KCNQ3: variants seen among roughly 807,000 people sequenced by gnomAD.
The protein encoded by KCNQ3 is potassium voltage-gated channel subfamily KQT member 3.
Under a neutral mutation model 92.5 loss-of-function variants are expected in KCNQ3, and 30 were observed. The ratio of observed to expected loss-of-function variants is 0.32; its 90% CI spans 0.24 to 0.44. The LOEUF is 0.44. Ranked by LOEUF, KCNQ3 falls within the 20% of genes least tolerant of loss-of-function variation. The pLI is 1.00. For synonymous variants in KCNQ3, 450 were observed against 468.8 expected, an observed-to-expected ratio of 0.96 and a Z score of 0.52; for missense variants, 913 against 1,140.3, an observed-to-expected ratio of 0.80 and a Z score of 2.87.
intron 1 of KCNQ3, among the ~76,000 whole-genome samples, chr8:132,311,092 A>G (rs1003010250): frequency 2.6e-5 from 4 of 152,078 alleles, no homozygotes; most frequent in Non-Finnish European, 5.9e-5. Context: ...AAGTGCTGCC[A>G]CACCCAGCTA....
intron 1 of KCNQ3, among the ~76,000 whole-genome samples, chr8:132,263,490 T>G (rs1020468492): frequency 2.0e-5 from 3 of 152,168 alleles, no homozygotes; most frequent in Admixed American, 6.5e-5. Context: ...TAAGGTTGCC[T>G]CCTGAGGCTG....
At chr8:132,327,895 G>A (rs1264701582) in intron 1 of KCNQ3, among the ~76,000 whole-genome samples, 3 of 152,104 alleles carry the variant, frequency 2.0e-5, no homozygotes, top group Non-Finnish European at 4.4e-5. Context: ...GACCCCACCT[G>A]TACTTGTACT....
rs79073654 is a variant in KCNQ3, at chr8:132,178,169, G to A, written c.777+1988C>T. ...TTTAGCACCAGTGTTGACCAGAACT[G>A]TGAATCAACTCAGCTCCATGGATAC... On this transcript the variant is annotated intron_variant, in intron 4 of 14. Transcript: ENST00000388996. 8.1e-3 allele frequency among the ~76,000 whole-genome samples: 1,238 copies of A among 152,324 alleles called. 16 individuals are homozygous for A. The highest frequency in any genetic ancestry group is 0.029 in the African/African-American group (1,190 of 41,566).
At chr8:132,329,106 C>T (rs957052501) in intron 1 of KCNQ3, among the ~76,000 whole-genome samples, 2 of 152,190 alleles carry the variant, frequency 1.3e-5, no homozygotes, top group Non-Finnish European at 2.9e-5. Flanking sequence ...TGGAATTTCT[C>T]ATGGAGGAAG....
chr8:132,270,237 G>A (rs560811944), intron 1 of KCNQ3, among the ~76,000 whole-genome samples: 4 of 152,248 alleles, frequency 2.6e-5, no homozygotes, highest in East Asian at 3.9e-4. Context: ...CGTTGACGTC[G>A]CCAGATTGAA....
At chr8:132,258,561 A>G (rs1213067241) in intron 1 of KCNQ3, among the ~76,000 whole-genome samples, 1 of 152,102 alleles carries the variant, frequency 6.6e-6, no homozygotes, top group African/African-American at 2.4e-5. Flanking sequence ...ACAAAGAAGT[A>G]TCTCAAATAA....
In KCNQ3 at chr8:132,480,439, C is replaced by G. The variant is rs754272127; in HGVS notation, c.94G>C (p.Asp32His). Residue 32 changes from aspartate to histidine, a missense_variant, in exon 1 of 15, where the codon GAC becomes CAC. Physicochemically the swap from Asp to His is moderately conservative, Grantham distance 81 (BLOSUM62 -1). Transcript: ENST00000388996. ...GGGAANPAGGDAAAAGDEERK... is the reference protein window; with the variant it reads ...GGGAANPAGGHAAAAGDEERK... ...TCCTCGTCGCCGGCCGCCGCCGCGT[C>G]CCCTCCGGCTGGGTTAGCCGCCCCG... 1 of 1,448,830 alleles carries G rather than the reference C, an allele frequency of 6.9e-7. No homozygotes were observed. The highest frequency in any genetic ancestry group is 1.4e-5 in the South Asian group (1 of 70,116). The allele number at this position is 1,448,830 out of a possible 1,614,324, so 89.7% of individuals were successfully genotyped here. A position where few individuals can be genotyped will look rare whatever the true frequency, so the allele number is the denominator to read the frequency against.
intron 1 of KCNQ3, among the ~76,000 whole-genome samples, chr8:132,451,639 G>A (rs1216847546): frequency 6.6e-6 from 1 of 152,246 alleles, no homozygotes; most frequent in Non-Finnish European, 1.5e-5. Flanking sequence ...AAATGTAGGT[G>A]CAGGAAGGAA....
intron 1 of KCNQ3, among the ~76,000 whole-genome samples, chr8:132,325,905 A>G (rs1271356653): frequency 3.3e-5 from 5 of 152,238 alleles, no homozygotes; most frequent in Admixed American, 1.3e-4. Flanking sequence ...AGTCAAATAC[A>G]GAACTGAAAC....
chr8:132,165,315 C>A (rs1826113416), intron 8 of KCNQ3, among the ~76,000 whole-genome samples: 1 of 152,164 alleles, frequency 6.6e-6, no homozygotes, highest in African/African-American at 2.4e-5. Context: ...GTGCAGTTGA[C>A]CTGTCCAGTT....
At chr8:132,413,617 G>A (rs1820713387) in intron 1 of KCNQ3, among the ~76,000 whole-genome samples, 1 of 152,156 alleles carries the variant, frequency 6.6e-6, no homozygotes, top group Non-Finnish European at 1.5e-5. Flanking sequence ...TAAATAAATG[G>A]ATCCTATAAT....
At chr8:132,394,329 T>C (rs1442713296) in intron 1 of KCNQ3, among the ~76,000 whole-genome samples, 1 of 152,186 alleles carries the variant, frequency 6.6e-6, no homozygotes. Flanking sequence ...CCATGTGTTT[T>C]TGGGAATCAG....
intron 1 of KCNQ3, among the ~76,000 whole-genome samples, chr8:132,402,178 G>A (rs1046810571): frequency 1.4e-4 from 21 of 152,096 alleles, no homozygotes; most frequent in Admixed American, 1.3e-3. Context: ...GCACTGTGAG[G>A]GGCCACAGCA....
At chr8:132,136,366 T>C (rs751955361) in intron 12 of KCNQ3, among the ~76,000 whole-genome samples, 2 of 152,118 alleles carry the variant, frequency 1.3e-5, no homozygotes, top group Non-Finnish European at 2.9e-5. Flanking sequence ...TCCTGACTGT[T>C]ATTCCATGGC....
In KCNQ3 at chr8:132,210,777, T is replaced by C. The variant is rs545421885; in HGVS notation, c.387-24596A>G. Among the ~76,000 whole-genome samples, 48 of 152,340 alleles carry C rather than the reference T, an allele frequency of 3.2e-4. No individual in the cohort carries two copies. In the South Asian group the frequency reaches 9.7e-3, roughly 31 times the overall value. ...AGCAGAGAGAAAAACTCTAGCAAGA[T>C]GGTGCTGTACTTTGATGTTATATCA... On this transcript the variant is annotated intron_variant, in intron 1 of 14. Coordinates refer to ENST00000388996, the MANE Select transcript of KCNQ3 (RefSeq NM_004519.4).
intron 1 of KCNQ3, among the ~76,000 whole-genome samples, chr8:132,376,653 A>T (rs1024804750): frequency 2.0e-5 from 3 of 152,210 alleles, no homozygotes; most frequent in Non-Finnish European, 2.9e-5. Context: ...GTTTTTTGAC[A>T]CCTGCAAATT....
At chr8:132,367,767 A>G (rs16904675) in intron 1 of KCNQ3, among the ~76,000 whole-genome samples, 13,184 of 152,268 alleles carry the variant, frequency 0.087, 685 homozygotes, top group South Asian at 0.16. Context: ...TTTCTCCCAG[A>G]TCAATTCTCA....
chr8:132,204,997 A>C (rs1011843145), intron 1 of KCNQ3, among the ~76,000 whole-genome samples: 1 of 152,174 alleles, frequency 6.6e-6, no homozygotes, highest in Non-Finnish European at 1.5e-5. Flanking sequence ...CCCTTCTCTA[A>C]TGTCCATCCA....
chr8:132,439,610 G>T (rs187596288), intron 1 of KCNQ3, among the ~76,000 whole-genome samples: 4 of 152,200 alleles, frequency 2.6e-5, no homozygotes, highest in East Asian at 1.9e-4. Context: ...CAGCCACAAG[G>T]TTCCTTTCCA....
Sources: gnomAD v4.1 joint callset for allele counts (sites outside exome capture counted in the v4.1 genomes callset) on GRCh38, gnomAD v4.1.1 for gene constraint, MANE v1.5 for transcripts, NCBI Gene and HGNC (gene_info 2026-07-23, HGNC 2026-07-21) for gene names.